The following C1orf105 variants were observed in gnomAD, a reference collection of about 807,000 sequenced individuals.
The protein encoded by C1orf105 is uncharacterized protein C1orf105.
C1orf105 carries 17 observed loss-of-function variants against 20.8 expected under a neutral mutation model. The ratio of observed to expected loss-of-function variants is 0.82; its 90% CI spans 0.56 to 1.23. The LOEUF (loss-of-function observed/expected upper bound fraction) is 1.23, where lower values mean the gene tolerates loss of function less well. C1orf105 is among the 50% of genes most tolerant of loss of function. The pLI is 0.00. For synonymous variants in C1orf105, 72 were observed against 72.1 expected (o/e 1.00, Z 0.01); for missense variants, 219 against 213.5 (o/e 1.03, Z -0.16).
chr1:172,425,402 A>G (rs2071697298), intron 1 of C1orf105, among the ~76,000 whole-genome samples: 1 of 152,184 alleles, frequency 6.6e-6, no homozygotes. Context: ...GATGATGGTT[A>G]TTGTTCGTCA....
chr1:172,452,600 A>G (rs1394351867), intron 3 of C1orf105, among the ~76,000 whole-genome samples: 1 of 152,246 alleles, frequency 6.6e-6, no homozygotes, highest in Non-Finnish European at 1.5e-5. Flanking sequence ...TTTCTTTACC[A>G]AGGGTTCAAG....
intron 2 of C1orf105, among the ~76,000 whole-genome samples, chr1:172,447,622 A>G (rs1178169471): frequency 6.6e-6 from 1 of 152,256 alleles, no homozygotes; most frequent in African/African-American, 2.4e-5. Context: ...TACAGGGCCC[A>G]GGGAAGTGTG....
At chr1:172,447,934 C>T (rs1294649075) in intron 2 of C1orf105, among the ~76,000 whole-genome samples, 1 of 152,186 alleles carries the variant, frequency 6.6e-6, no homozygotes. Context: ...GGTGTTCTTG[C>T]AACATCACTG....
At chr1:172,427,306 A>G (rs904315853) in intron 1 of C1orf105, among the ~76,000 whole-genome samples, 1 of 152,208 alleles carries the variant, frequency 6.6e-6, no homozygotes, top group African/African-American at 2.4e-5. Context: ...CCTTGTCGAA[A>G]GCCAGGCTTT....
chr1:172,451,774 T>A (rs1459389150), intron 3 of C1orf105, among the ~76,000 whole-genome samples: 1 of 151,934 alleles, frequency 6.6e-6, no homozygotes, highest in Non-Finnish European at 1.5e-5. Flanking sequence ...ACATGTGTAA[T>A]ATCATAAGGT....
In C1orf105 at chr1:172,465,376, TTAGAGTACTTA is replaced by T. The variant is rs1649971357; in HGVS notation, c.406+17_406+27del. The T allele has an allele frequency of 1.9e-6, 3 of 1,578,180 alleles. No individual in the cohort carries two copies. The African/African-American group carries it at 4.0e-5, about 21-fold the overall frequency. ...GACATCCCAACAGGTTTGCTTTCTT[TTAGAGTACTTA>T]TAGTGTGAAACACACTAGAAAAAAA... is the stretch of plus-strand genomic sequence containing the variant. On this transcript the variant is annotated intron_variant, in intron 6 of 6. Transcript: ENST00000367727.
At chr1:172,461,939 C>T (rs1394333736) in intron 4 of C1orf105, among the ~76,000 whole-genome samples, 73 of 152,134 alleles carry the variant, frequency 4.8e-4, no homozygotes, top group Admixed American at 4.8e-3. Flanking sequence ...GTGGGGGCAT[C>T]TAAACCAACC....
At chr1:172,442,710 G>A in intron 1 of C1orf105, 2 of 1,122,312 alleles carry the variant, frequency 1.8e-6, no homozygotes, top group Non-Finnish European at 2.6e-6. Context: ...TTTGAAATGA[G>A]ACCTCCCTGG....
intron 1 of C1orf105, among the ~76,000 whole-genome samples, chr1:172,426,780 A>C (rs1558123103): frequency 6.6e-6 from 1 of 151,796 alleles, no homozygotes; most frequent in Non-Finnish European, 1.5e-5. Context: ...TCTGTCCTTC[A>C]CCCTTCTTGA....
At chr1:172,442,787 A>G (rs1277502796) in intron 1 of C1orf105, 1 of 622,624 alleles carries the variant, frequency 1.6e-6, no homozygotes, top group African/African-American at 1.8e-5. Flanking sequence ...CTAGGCCTAC[A>G]ATAGATGAAT....
chr1:172,456,307 G>A (rs1484254568), intron 3 of C1orf105, 108 bp from the exon 4 acceptor site: 11 of 933,556 alleles, frequency 1.2e-5, no homozygotes, highest in African/African-American at 1.1e-4. Context: ...TCTGTTTTAC[G>A]GAAGGAAAAA....
chr1:172,420,889 GA>G lies in C1orf105; in HGVS notation c.10del (p.Arg4GlufsTer3). On this transcript the variant is annotated frameshift_variant, in exon 1 of 7. Transcript: ENST00000367727. LOFTEE classifies it high-confidence loss of function. ...AGAACATCTAAAGATCTGAAAGATGGAAAAAAGAGAACTAAAGGTAGGAAAA... is the reference window on the plus strand; with the variant it reads ...AGAACATCTAAAGATCTGAAAGATGGAAAAAGAGAACTAAAGGTAGGAAAA... The part of the protein sequence containing the change: M[E>X]KRELKASVPK... 6.2e-7 allele frequency: 1 copy of G among 1,611,324 alleles called. No homozygotes were observed.
rs185460799 is a variant in C1orf105, at chr1:172,460,864, T to A, written c.274-1314T>A. On this transcript the variant is annotated intron_variant, in intron 4 of 6. Transcript: ENST00000367727. ...AATAGGAGTCTCCCACAGTACACTT[T>A]TTCTCAAAAACAAAAATCCTGTCTT... 3.4e-3 allele frequency among the ~76,000 whole-genome samples: 511 copies of A among 152,300 alleles called. 2 individuals are homozygous for A. The highest frequency in any genetic ancestry group is 5.6e-3 in the Non-Finnish European group (382 of 68,014).
rs1253851711 is a variant in C1orf105, at chr1:172,468,621, C to T, written c.*27C>T. ...CGGTAGGAGCTCATCACCTCCCAGA[C>T]TCCCAGAGAGAAAATAACCTCGCCA... On this transcript the variant is annotated 3_prime_UTR_variant, in exon 7 of 7. Coordinates refer to ENST00000367727, the MANE Select transcript of C1orf105 (RefSeq NM_139240.4). 2.5e-6 allele frequency: 4 copies of T among 1,600,554 alleles called. No individual in the cohort carries two copies. The Admixed American group carries it at 5.1e-5, about 21-fold the overall frequency.
At chr1:172,453,204 A>C in intron 3 of C1orf105, 1 of 1,546,464 alleles carries the variant, frequency 6.5e-7, no homozygotes, top group African/African-American at 1.4e-5. Context: ...AGTACAGCAC[A>C]GATCAAAGAT....
intron 1 of C1orf105, among the ~76,000 whole-genome samples, chr1:172,424,265 G>C (rs1478702567): frequency 6.6e-6 from 1 of 152,252 alleles, no homozygotes; most frequent in Non-Finnish European, 1.5e-5. Flanking sequence ...CTGCAAGGCA[G>C]TAACCAAGAA....
chr1:172,423,024 C>T lies in C1orf105; in HGVS notation c.21+2118C>T, dbSNP rs142566098. ...ACTCCAGGCCCTGACTCCCAGACAGCGTCTCTGGACTCACCCAGGGCCCAG... is the reference window on the plus strand; with the variant it reads ...ACTCCAGGCCCTGACTCCCAGACAGTGTCTCTGGACTCACCCAGGGCCCAG... On this transcript the variant is annotated intron_variant, in intron 1 of 6. Coordinates refer to ENST00000367727, the MANE Select transcript of C1orf105 (RefSeq NM_139240.4). Among the ~76,000 whole-genome samples, 51 of 152,324 alleles carry T rather than the reference C, an allele frequency of 3.3e-4. No homozygotes were observed. The East Asian group carries it at 7.5e-3, about 23-fold the overall frequency.
chr1:172,452,846 C>A, intron 3 of C1orf105: 1 of 1,420,568 alleles, frequency 7.0e-7, no homozygotes, highest in Non-Finnish European at 9.2e-7. Flanking sequence ...CATTCCAGTG[C>A]CTCTGGCTCT....
chr1:172,430,430 T>A, intron 1 of C1orf105: 1 of 611,274 alleles, frequency 1.6e-6, no homozygotes, highest in Non-Finnish European at 2.9e-6. Flanking sequence ...TAATTTGCAA[T>A]TTTTCTTAAA....
Sources: allele counts gnomAD v4.1 joint callset (sites outside exome capture counted in the v4.1 genomes callset), GRCh38; gene constraint gnomAD v4.1.1; transcripts MANE v1.5; gene names NCBI Gene and HGNC (gene_info 2026-07-23, HGNC 2026-07-21).